The following SGSM1 variants were observed in gnomAD, a reference collection of about 807,000 sequenced individuals.
The protein encoded by SGSM1 is small G protein signaling modulator 1.
In SGSM1, 73 loss-of-function variants were observed where a neutral mutation model predicts 133.8. That is an observed-to-expected ratio of 0.55 (90% confidence interval 0.45 to 0.66). The LOEUF (loss-of-function observed/expected upper bound fraction) is 0.66, where lower values mean the gene tolerates loss of function less well. Ranked by LOEUF, SGSM1 falls within the 30% of genes least tolerant of loss-of-function variation. The pLI is 0.00. For missense variants in SGSM1, 1,213 were observed against 1,448.1 expected, an observed-to-expected ratio of 0.84 and a Z score of 2.64; for synonymous variants, 563 against 573.0, an observed-to-expected ratio of 0.98 and a Z score of 0.25.
chr22:24,876,615 C>T lies in SGSM1; in HGVS notation c.1330C>T (p.Pro444Ser), dbSNP rs1259111505. ...GATGGACGTCTCTGTAAGCAACCTC[C>T]CATCCCTGTGGCAGCCCAGTCCCCG... ...DLMDVSVSNLPSLWQPSPRKS... is the reference protein window; with the variant it reads ...DLMDVSVSNLSSLWQPSPRKS... The change falls in exon 13 of 25, where the codon CCA (proline) becomes TCA (serine). Residue 444 changes from proline (P) to serine (S), a missense_variant. Transcript: ENST00000400358. 9.3e-6 allele frequency: 15 copies of T among 1,613,908 alleles called. No homozygotes were observed. Among genetic ancestry groups the T allele is most frequent in the Non-Finnish European group, 1.3e-5 (15 of 1,179,908 alleles).
Position 24,927,043 on chromosome 22 carries a change from T to G in SGSM1, c.*2769T>G, listed in dbSNP as rs771163399. 1 of 152,150 alleles carries G rather than the reference T, an allele frequency of 6.6e-6. No individual in the cohort carries two copies. The highest frequency in any genetic ancestry group is 1.5e-5 in the Non-Finnish European group (1 of 68,016). The allele number at this position is 152,150 out of a possible 1,614,324, so 9.4% of individuals were successfully genotyped here. ...GGCTCTTACCACAAGTAATGCTGCA[T>G]TACAAATGACCCAAAAAGTAGTGGT... On this transcript the variant is annotated 3_prime_UTR_variant, in exon 25 of 25. Coordinates refer to ENST00000400358, the MANE Select transcript of SGSM1 (RefSeq NM_001098497.3).
At position 24,912,700 on chromosome 22, in the gene SGSM1, C is replaced by T; in HGVS notation, c.2876C>T (p.Pro959Leu). Residue 959 changes from proline (P) to leucine (L), a missense_variant, in exon 22 of 25, where the codon CCC becomes CTC. Transcript: ENST00000400358. Reference sequence around the variant, plus strand: ...ATGAAGAGGATGAACCAGAACTTCCCCCACGGAGGCGCCATGGACACGCAC... The same window carrying T: ...ATGAAGAGGATGAACCAGAACTTCCTCCACGGAGGCGCCATGGACACGCAC... ...ELMKRMNQNF[P>L]HGGAMDTHFA... 6.2e-7 allele frequency: 1 copy of T among 1,613,764 alleles called. No individual in the cohort carries two copies.
chr22:24,920,015 C>T (rs754201734), intron 24 of SGSM1, 22 bp downstream of exon 24: 1 of 1,573,694 alleles, frequency 6.4e-7, no homozygotes, highest in East Asian at 2.3e-5. Context: ...ACTGGGGCCT[C>T]ATGAGAGGGG....
chr22:24,874,572 G>GC (rs1478443785), intron 12 of SGSM1: 2 of 1,598,990 alleles, frequency 1.3e-6, no homozygotes, highest in Non-Finnish European at 8.5e-7. Context: ...CGAAGGAGCA[G>GC]CCCCCCAGTA....
At chr22:24,908,617 A>G (rs1449202514) in intron 21 of SGSM1, among the ~76,000 whole-genome samples, 3 of 152,134 alleles carry the variant, frequency 2.0e-5, no homozygotes, top group Non-Finnish European at 2.9e-5. Context: ...CCTGGCTAAC[A>G]TGGTGAAACC....
intron 2 of SGSM1, among the ~76,000 whole-genome samples, chr22:24,807,618 A>T (rs1271409121): frequency 6.6e-6 from 1 of 151,918 alleles, no homozygotes; most frequent in African/African-American, 2.4e-5. Context: ...TGTCTTCATC[A>T]CTTTTGAACC....
chr22:24,924,117 G>C, intron 24 of SGSM1, 69 bp from the exon 25 acceptor site: 3 of 1,457,964 alleles, frequency 2.1e-6, no homozygotes, highest in Non-Finnish European at 1.9e-6. Flanking sequence ...AAGCCTCCAG[G>C]GGCTGGAATT....
chr22:24,901,000 TCA>T (rs1933140633), intron 19 of SGSM1: 1 of 152,240 alleles, frequency 6.6e-6, no homozygotes, highest in Non-Finnish European at 1.5e-5. Flanking sequence ...CTCTGATCTT[TCA>T]GACCACCCAG....
chr22:24,905,681 C>T (rs1737893905), intron 21 of SGSM1, among the ~76,000 whole-genome samples: 1 of 150,434 alleles, frequency 6.6e-6, no homozygotes, highest in Non-Finnish European at 1.5e-5. Context: ...CCCAGCTACT[C>T]AGGAGGCTGA....
chr22:24,866,472 A>G (rs888438004), intron 9 of SGSM1, among the ~76,000 whole-genome samples: 2 of 152,168 alleles, frequency 1.3e-5, no homozygotes, highest in African/African-American at 4.8e-5. Context: ...GTTAGAGAAA[A>G]CGAAATTCAA....
chr22:24,815,739 A>G (rs1928031372), intron 2 of SGSM1, among the ~76,000 whole-genome samples: 1 of 152,156 alleles, frequency 6.6e-6, no homozygotes, highest in East Asian at 1.9e-4. Context: ...TGTGTCTCAA[A>G]AAACAAACAA....
intron 2 of SGSM1, among the ~76,000 whole-genome samples, chr22:24,810,939 T>A (rs1318952653): frequency 1.3e-5 from 2 of 152,194 alleles, no homozygotes; most frequent in Non-Finnish European, 2.9e-5. Context: ...AGTTTTACTG[T>A]GACCCAGTGG....
intron 8 of SGSM1, among the ~76,000 whole-genome samples, chr22:24,858,630 C>A: frequency 1.0e-5 from 1 of 97,576 alleles, no homozygotes. Flanking sequence ...AGCGAGACTC[C>A]ATCTCAAAAA....
rs951073837 is a variant in SGSM1, at chr22:24,861,491, G to GTC, written c.926+1665_926+1666dup. ...AATTCAGCTCCAACTAGACCCTGTA[G>GTC]TCTCTCTCTCTCTCTTTTTAAACAT... On this transcript the variant is annotated intron_variant, in intron 9 of 24. Coordinates refer to ENST00000400358, the MANE Select transcript of SGSM1 (RefSeq NM_001098497.3). 2.0e-3 allele frequency among the ~76,000 whole-genome samples: 296 copies of GTC among 151,486 alleles called. 2 individuals are homozygous for GTC. The highest frequency in any genetic ancestry group is 6.6e-3 in the African/African-American group (272 of 41,376).
At chr22:24,882,780 C>T (rs1932403974) in intron 14 of SGSM1, among the ~76,000 whole-genome samples, 1 of 150,978 alleles carries the variant, frequency 6.6e-6, no homozygotes, top group Non-Finnish European at 1.5e-5. Context: ...CTGTGCCTCG[C>T]GTTTTTTTGC....
chr22:24,899,667 G>A (rs1470402328), intron 19 of SGSM1, among the ~76,000 whole-genome samples: 2 of 151,592 alleles, frequency 1.3e-5, no homozygotes, highest in Admixed American at 6.6e-5. Flanking sequence ...GACTACAGGC[G>A]CCCGCCACCA....
rs762554487 is a variant in SGSM1 at position 24,859,794 on chromosome 22, A to G, written c.880A>G (p.Asn294Asp). 1 of 1,613,918 alleles carries G rather than the reference A, an allele frequency of 6.2e-7. No homozygotes were observed. The highest frequency in any genetic ancestry group is 8.5e-7 in the Non-Finnish European group (1 of 1,179,862). ...ADVMTLKWTP[N>D]QLMNGSVGDL... The stretch of plus-strand genomic sequence containing the variant: ...CGTCATGACCTTGAAGTGGACACCC[A>G]ACCAGCTGATGAACGGGTCTGTGGG... Residue 294 changes from asparagine to aspartate, a missense_variant, in exon 9 of 25, where the codon AAC becomes GAC. By Grantham distance (23) the Asn-to-Asp change is conservative. Transcript: ENST00000400358.
intron 2 of SGSM1, among the ~76,000 whole-genome samples, chr22:24,810,437 A>G (rs554213427): frequency 2.0e-5 from 3 of 150,954 alleles, no homozygotes; most frequent in South Asian, 2.1e-4. Context: ...GACCAGCTCT[A>G]TCTTGGCTCC....
intron 2 of SGSM1, among the ~76,000 whole-genome samples, chr22:24,835,167 T>C (rs965704313): frequency 6.6e-6 from 1 of 152,198 alleles, no homozygotes; most frequent in Non-Finnish European, 1.5e-5. Flanking sequence ...TGCATAAACA[T>C]GCCTGATGCA....
Sources: allele counts gnomAD v4.1 joint callset (sites outside exome capture counted in the v4.1 genomes callset), GRCh38; gene constraint gnomAD v4.1.1; transcripts MANE v1.5; gene names NCBI Gene and HGNC (gene_info 2026-07-23, HGNC 2026-07-21).